The following SEZ6L variants were observed in gnomAD, a reference collection of about 807,000 sequenced individuals.
SEZ6L encodes seizure 6-like protein.
SEZ6L carries 37 observed loss-of-function variants against 106.2 expected under a neutral mutation model. That is an observed-to-expected ratio of 0.35 (90% CI 0.27 to 0.46). The LOEUF (loss-of-function observed/expected upper bound fraction) is 0.46, where lower values mean the gene tolerates loss of function less well. SEZ6L is among the 20% of genes least tolerant of loss of function. SEZ6L has a pLI of 1.00. For missense variants in SEZ6L, 1,172 were observed against 1,332.8 expected (o/e 0.88, Z 1.88); for synonymous variants, 541 against 570.4 (o/e 0.95, Z 0.73).
chr22:26,239,127 G>A (rs2079036881), intron 1 of SEZ6L, among the ~76,000 whole-genome samples: 1 of 152,226 alleles, frequency 6.6e-6, no homozygotes, highest in Admixed American at 6.5e-5. Flanking sequence ...GGGAGGCTGA[G>A]GCGGGAGGAT....
intron 9 of SEZ6L, among the ~76,000 whole-genome samples, chr22:26,317,252 A>G (rs950673599): frequency 2.6e-5 from 4 of 152,128 alleles, no homozygotes; most frequent in African/African-American, 9.7e-5. Context: ...GTCCATAAAA[A>G]TAAATTTATG....
At chr22:26,235,978 A>G (rs533797933) in intron 1 of SEZ6L, among the ~76,000 whole-genome samples, 1 of 152,356 alleles carries the variant, frequency 6.6e-6, no homozygotes, top group East Asian at 1.9e-4. Flanking sequence ...AGATGCTCTC[A>G]TAACATCAGA....
intron 1 of SEZ6L, among the ~76,000 whole-genome samples, chr22:26,221,863 T>G (rs5752283): frequency 0.035 from 5,349 of 152,242 alleles, 259 homozygotes; most frequent in African/African-American, 0.11. Flanking sequence ...AAAGATTTAT[T>G]GTAGGTGAGA....
At chr22:26,188,448 T>G (rs1939949286) in intron 1 of SEZ6L, among the ~76,000 whole-genome samples, 1 of 152,142 alleles carries the variant, frequency 6.6e-6, no homozygotes, top group Non-Finnish European at 1.5e-5. Flanking sequence ...GCATGTAAGT[T>G]TTCCCTCATG....
chr22:26,210,191 C>T (rs189417372), intron 1 of SEZ6L, among the ~76,000 whole-genome samples: 125 of 152,306 alleles, frequency 8.2e-4, no homozygotes, highest in African/African-American at 3.0e-3. Flanking sequence ...CAGGCCAGTG[C>T]ACATACCACA....
intron 7 of SEZ6L, 53 bp from the exon 8 acceptor site, chr22:26,311,715 C>T (rs974615142): frequency 1.9e-5 from 28 of 1,491,858 alleles, no homozygotes; most frequent in Middle Eastern, 1.7e-4. Context: ...AATATAGCAC[C>T]GTGGGGTAGT....
chr22:26,182,898 G>A (rs956042618), intron 1 of SEZ6L, among the ~76,000 whole-genome samples: 6 of 152,048 alleles, frequency 3.9e-5, no homozygotes, highest in Admixed American at 1.3e-4. Context: ...CCACATGGGC[G>A]TGGCCTGTCT....
intron 1 of SEZ6L, among the ~76,000 whole-genome samples, chr22:26,269,160 T>A (rs2080282111): frequency 6.6e-6 from 1 of 152,234 alleles, no homozygotes; most frequent in Non-Finnish European, 1.5e-5. Flanking sequence ...TGTCTCCATG[T>A]CCAGAACTCC....
intron 1 of SEZ6L, among the ~76,000 whole-genome samples, chr22:26,272,865 C>G (rs796916480): frequency 9.8e-5 from 15 of 152,350 alleles, no homozygotes; most frequent in Admixed American, 3.3e-4. Flanking sequence ...CCAGACCCAT[C>G]AACCTCTCTC....
chr22:26,260,526 G>T (rs565632950), intron 1 of SEZ6L, among the ~76,000 whole-genome samples: 32 of 152,190 alleles, frequency 2.1e-4, no homozygotes, highest in African/African-American at 6.7e-4. Flanking sequence ...ATTTTGGAGA[G>T]AATTGAGGCA....
intron 4 of SEZ6L, among the ~76,000 whole-genome samples, chr22:26,297,909 C>T (rs1270879948): frequency 1.3e-5 from 2 of 151,950 alleles, no homozygotes; most frequent in Non-Finnish European, 2.9e-5. Context: ...GCTCCCATGA[C>T]CTCAGGTCTC....
chr22:26,274,598 G>A (rs764900625), intron 1 of SEZ6L, among the ~76,000 whole-genome samples: 2 of 152,128 alleles, frequency 1.3e-5, no homozygotes, highest in African/African-American at 2.4e-5. Context: ...TTCACTAGAA[G>A]GACTCAGAAC....
chr22:26,173,699 CA>C (rs1938779109), intron 1 of SEZ6L, among the ~76,000 whole-genome samples: 1 of 152,290 alleles, frequency 6.6e-6, no homozygotes, highest in African/African-American at 2.4e-5. Flanking sequence ...ATTTATTTCT[CA>C]CATTTCTGGA....
At chr22:26,275,852 C>G (rs865999471) in intron 1 of SEZ6L, among the ~76,000 whole-genome samples, 27 of 152,190 alleles carry the variant, frequency 1.8e-4, no homozygotes, top group African/African-American at 6.3e-4. Flanking sequence ...TCACTGGGGA[C>G]CTTTTAGCTG....
chr22:26,295,628 C>A (rs778054196), intron 3 of SEZ6L, among the ~76,000 whole-genome samples: 4 of 152,048 alleles, frequency 2.6e-5, no homozygotes, highest in Non-Finnish European at 2.9e-5. Flanking sequence ...GCTTAAGAAC[C>A]CTTTCCTCCA....
At chr22:26,278,418 G>GT (rs1241068553) in intron 1 of SEZ6L, among the ~76,000 whole-genome samples, 10 of 152,160 alleles carry the variant, frequency 6.6e-5, no homozygotes, top group African/African-American at 2.4e-4. Flanking sequence ...TGATAGGTAA[G>GT]TTTTCAACCC....
intron 1 of SEZ6L, among the ~76,000 whole-genome samples, chr22:26,197,410 T>C (rs937599409): frequency 6.6e-6 from 1 of 152,124 alleles, no homozygotes; most frequent in African/African-American, 2.4e-5. Flanking sequence ...TTTTCGCAGG[T>C]TGGGGAAAGC....
intron 4 of SEZ6L, among the ~76,000 whole-genome samples, chr22:26,298,696 C>T (rs1404089055): frequency 1.3e-5 from 2 of 152,154 alleles, no homozygotes; most frequent in African/African-American, 4.8e-5. Flanking sequence ...TCTGTCTCTA[C>T]ATAGATAGAG....
chr22:26,200,092 A>G (rs1352487547), intron 1 of SEZ6L, among the ~76,000 whole-genome samples: 2 of 152,220 alleles, frequency 1.3e-5, no homozygotes, highest in Non-Finnish European at 2.9e-5. Flanking sequence ...GGAATGTAGC[A>G]CTGCTTCCCA....
Sources: allele counts gnomAD v4.1 joint callset (sites outside exome capture counted in the v4.1 genomes callset), GRCh38; gene constraint gnomAD v4.1.1; transcripts MANE v1.5; gene names NCBI Gene and HGNC (gene_info 2026-07-23, HGNC 2026-07-21).